CDH9: variants seen among roughly 807,000 people sequenced by gnomAD.
CDH9 encodes the protein cadherin 9.
CDH9 carries 28 observed loss-of-function variants against 70.9 expected under a neutral mutation model. The ratio of observed to expected loss-of-function variants is 0.40; its 90% CI spans 0.29 to 0.54. The LOEUF is 0.54. Ranked by LOEUF, CDH9 falls within the 20% of genes least tolerant of loss-of-function variation. The pLI is 0.59. For synonymous variants in CDH9, 409 were observed against 343.1 expected (o/e 1.19, Z -2.12); for missense variants, 874 against 984.4 (o/e 0.89, Z 1.50).
intron 1 of CDH9, among the ~76,000 whole-genome samples, chr5:27,030,335 G>A (rs1382630977): frequency 7.9e-6 from 1 of 126,306 alleles, no homozygotes; most frequent in Admixed American, 7.4e-5. Context: ...AGTTTCTGAT[G>A]TTGAAAAAGC....
At chr5:27,017,441 G>T (rs201176335) in intron 1 of CDH9, among the ~76,000 whole-genome samples, 1 of 130,976 alleles carries the variant, frequency 7.6e-6, no homozygotes, top group African/African-American at 3.0e-5. Flanking sequence ...AATTTTTTTT[G>T]GGGGGGCAAG....
chr5:26,970,446 A>G (rs974745123), intron 2 of CDH9, among the ~76,000 whole-genome samples: 3 of 152,074 alleles, frequency 2.0e-5, no homozygotes, highest in Admixed American at 6.6e-5. Flanking sequence ...GTGAAGAAAA[A>G]CAACCTCACT....
Position 26,905,498 on chromosome 5 carries a change from G to C in CDH9, c.811+461C>G, listed in dbSNP as rs146084483. On this transcript the variant is annotated intron_variant, in intron 5 of 11. Coordinates refer to ENST00000231021, the MANE Select transcript of CDH9 (RefSeq NM_016279.4). Reference sequence around the variant, plus strand: ...TCAAGAAGTCTGTGTTTCAGAATCAGTTAGATAAGAGATTATAAGTCTGCG... The same window carrying C: ...TCAAGAAGTCTGTGTTTCAGAATCACTTAGATAAGAGATTATAAGTCTGCG... Among the ~76,000 whole-genome samples the C allele has an allele frequency of 5.4e-3, 821 of 152,172 alleles. 4 individuals are homozygous for C. Among genetic ancestry groups the C allele is most frequent in the Non-Finnish European group, 8.0e-3 (545 of 68,002 alleles).
chr5:27,003,933 G>A (rs953265491), intron 1 of CDH9, among the ~76,000 whole-genome samples: 1 of 151,658 alleles, frequency 6.6e-6, no homozygotes, highest in Non-Finnish European at 1.5e-5. Context: ...GTTAATAATA[G>A]GCAAAACTGG....
chr5:26,886,981 G>A (rs1740576714), intron 9 of CDH9, among the ~76,000 whole-genome samples: 1 of 151,986 alleles, frequency 6.6e-6, no homozygotes, highest in South Asian at 2.1e-4. Flanking sequence ...AACATTGTGT[G>A]GTGAAAAGTT....
chr5:26,986,725 C>T (rs185015314), intron 2 of CDH9, among the ~76,000 whole-genome samples: 60 of 152,130 alleles, frequency 3.9e-4, no homozygotes, highest in African/African-American at 1.3e-3. Context: ...AATTTCACAT[C>T]CTTAGACAAA....
intron 3 of CDH9, among the ~76,000 whole-genome samples, chr5:26,911,603 A>T (rs1324445493): frequency 3.3e-5 from 5 of 152,168 alleles, no homozygotes; most frequent in African/African-American, 9.6e-5. Flanking sequence ...AAATTTGCCT[A>T]GGTGAAGACG....
chr5:26,921,367 C>A (rs2112012064), intron 2 of CDH9, among the ~76,000 whole-genome samples: 1 of 152,234 alleles, frequency 6.6e-6, no homozygotes, highest in Middle Eastern at 3.4e-3. Flanking sequence ...ATAGATTTGA[C>A]CACTACTCAA....
intron 1 of CDH9, among the ~76,000 whole-genome samples, chr5:27,030,757 G>A (rs1330706523): frequency 2.6e-5 from 4 of 151,254 alleles, no homozygotes; most frequent in Admixed American, 6.6e-5. Flanking sequence ...TACAGAAGGA[G>A]ATGAGTGTGG....
intron 2 of CDH9, among the ~76,000 whole-genome samples, chr5:26,919,019 C>T (rs73748536): frequency 0.03 from 4,558 of 152,212 alleles, 133 homozygotes; most frequent in African/African-American, 0.078. Context: ...TGGAGGAAGG[C>T]AGCCAAGTTC....
intron 5 of CDH9, among the ~76,000 whole-genome samples, chr5:26,904,770 G>A (rs779448778): frequency 4.6e-5 from 7 of 151,990 alleles, no homozygotes; most frequent in South Asian, 4.1e-4. Flanking sequence ...TGATGTCTGC[G>A]TCTAAGAAAT....
rs1319706646 is a variant in CDH9 at position 26,915,673 on chromosome 5, T to C, written c.480A>G (p.Thr160=). The part of the protein sequence containing the change: ...HDINDNEPKF[T]KDLYTASVPE... The stretch of plus-strand genomic sequence containing the variant: ...GAACACTGGCAGTGTATAAGTCTTT[T>C]GTAAATTTTGGCTCATTGTCATTGA... The change falls in exon 3 of 12, where the codon ACA becomes ACG. Residue 160 remains threonine (T), a synonymous_variant. Coordinates refer to ENST00000231021, the MANE Select transcript of CDH9 (RefSeq NM_016279.4). 8 of 1,608,792 alleles carry C rather than the reference T, an allele frequency of 5.0e-6. No homozygotes were observed. The highest frequency in any genetic ancestry group is 1.3e-5 in the African/African-American group (1 of 74,792).
In CDH9 at chr5:26,881,508, T is replaced by C. The variant is rs1351171063; in HGVS notation, c.1998A>G (p.Glu666=). Residue 666 remains glutamate, a synonymous_variant, in exon 12 of 12, where the codon GAA becomes GAG. Coordinates refer to ENST00000231021, the MANE Select transcript of CDH9 (RefSeq NM_016279.4). ...CAATGTCAAAAGCTTGGGTATCTTC[T>C]TCCCCGCCGCCTTCATCGTTGTAGG... ...IVTYNDEGGG[E]EDTQAFDIGT... The C allele has an allele frequency of 8.7e-6, 14 of 1,613,724 alleles. No individual in the cohort carries two copies. Among genetic ancestry groups the C allele is most frequent in the Non-Finnish European group, 1.2e-5 (14 of 1,179,816 alleles).
At chr5:26,883,078 TATATATATATATATATAA>T (rs1740497977) in intron 11 of CDH9, among the ~76,000 whole-genome samples, 2 of 126,072 alleles carry the variant, frequency 1.6e-5, no homozygotes, top group African/African-American at 2.9e-5. Flanking sequence ...TATATATATA[TATATATATATATATATAA>T]AACTGCAGTA....
intron 2 of CDH9, among the ~76,000 whole-genome samples, chr5:26,919,677 A>G (rs1261822337): frequency 6.6e-6 from 1 of 151,950 alleles, no homozygotes; most frequent in Admixed American, 6.6e-5. Flanking sequence ...CTCTGCTTGA[A>G]AATAGGAGGT....
intron 2 of CDH9, among the ~76,000 whole-genome samples, chr5:26,976,680 C>A (rs994035105): frequency 1.3e-5 from 2 of 152,064 alleles, no homozygotes; most frequent in South Asian, 4.2e-4. Flanking sequence ...GCTCAAGTAG[C>A]CTTCTAATTT....
chr5:26,939,582 C>T (rs1046477075), intron 2 of CDH9, among the ~76,000 whole-genome samples: 1 of 151,672 alleles, frequency 6.6e-6, no homozygotes, highest in African/African-American at 2.4e-5. Flanking sequence ...AACTCCTAAT[C>T]GATGTGTGAA....
intron 1 of CDH9, among the ~76,000 whole-genome samples, chr5:27,022,330 C>T (rs192740911): frequency 6.6e-6 from 1 of 152,080 alleles, no homozygotes; most frequent in African/African-American, 2.4e-5. Flanking sequence ...ATGATTCCAA[C>T]ATTTACCTTT....
chr5:26,940,983 A>T (rs1741652724), intron 2 of CDH9, among the ~76,000 whole-genome samples: 1 of 152,256 alleles, frequency 6.6e-6, no homozygotes, highest in African/African-American at 2.4e-5. Context: ...TTTTCATAGA[A>T]CATAAATTGT....
Sources: gnomAD v4.1 joint callset for allele counts (sites outside exome capture counted in the v4.1 genomes callset) on GRCh38, gnomAD v4.1.1 for gene constraint, MANE v1.5 for transcripts, NCBI Gene and HGNC (gene_info 2026-07-23, HGNC 2026-07-21) for gene names.